Variants in ELP4 observed in about 807,000 individuals in gnomAD.
The protein encoded by ELP4 is elongator complex protein 4.
In ELP4, 51 loss-of-function variants were observed where a neutral mutation model predicts 48.9. The ratio of observed to expected loss-of-function variants is 1.04; its 90% CI spans 0.83 to 1.32. ELP4 has a LOEUF of 1.32. ELP4 is among the 40% of genes most tolerant of loss of function. The pLI is 0.00. For synonymous variants in ELP4, 210 were observed against 189.2 expected (o/e 1.11, Z -0.90); for missense variants, 519 against 514.6 (o/e 1.01, Z -0.08).
chr11:31,723,414 A>G (rs1045114570), intron 9 of ELP4, among the ~76,000 whole-genome samples: 1 of 151,988 alleles, frequency 6.6e-6, no homozygotes, highest in Admixed American at 6.6e-5. Context: ...ACATAAATTC[A>G]ATAATGAAAT....
intron 9 of ELP4, among the ~76,000 whole-genome samples, chr11:31,697,554 G>A (rs992258676): frequency 1.3e-5 from 2 of 152,068 alleles, no homozygotes; most frequent in Admixed American, 6.6e-5. Flanking sequence ...GACTTTTAAT[G>A]ATGATGACAT....
chr11:31,768,450 TC>T (rs1339039361), intron 9 of ELP4, among the ~76,000 whole-genome samples: 1 of 152,222 alleles, frequency 6.6e-6, no homozygotes, highest in Non-Finnish European at 1.5e-5. Flanking sequence ...AAGCCTCATT[TC>T]ATTTTCTCAA....
chr11:31,593,083 A>G (rs1244396054), intron 3 of ELP4, among the ~76,000 whole-genome samples: 1 of 152,228 alleles, frequency 6.6e-6, no homozygotes, highest in African/African-American at 2.4e-5. Context: ...ACAATACAAA[A>G]TGTGTGGCTC....
At chr11:31,623,390 T>TATATATAAAAAA (rs67986763) in intron 5 of ELP4, among the ~76,000 whole-genome samples, 1 of 92,610 alleles carries the variant, frequency 1.1e-5, no homozygotes, top group Non-Finnish European at 2.3e-5. Flanking sequence ...TATATATATA[T>TATATATAAAAAA]AAAACTAGAA....
At chr11:31,523,257 A>G (rs79339725) in intron 2 of ELP4, among the ~76,000 whole-genome samples, 1,807 of 152,274 alleles carry the variant, frequency 0.012, 42 homozygotes, top group African/African-American at 0.042. Flanking sequence ...GCATAGTTTC[A>G]AAATATAAAA....
At chr11:31,760,377 C>T (rs1220186720) in intron 9 of ELP4, among the ~76,000 whole-genome samples, 2 of 152,152 alleles carry the variant, frequency 1.3e-5, no homozygotes, top group East Asian at 3.8e-4. Context: ...TTCCAGAATG[C>T]CTCTAGTCCT....
At chr11:31,583,852 G>A (rs182047464) in intron 3 of ELP4, among the ~76,000 whole-genome samples, 1 of 152,298 alleles carries the variant, frequency 6.6e-6, no homozygotes, top group Admixed American at 6.5e-5. Context: ...CTGTGAAATA[G>A]AGAAGCTATT....
Position 31,509,859 on chromosome 11 carries a change from C to A in ELP4, c.75C>A (p.Asn25Lys). Residue 25 changes from asparagine to lysine, a missense_variant, in exon 1 of 10, where the codon AAC (asparagine) becomes AAA (lysine). Coordinates refer to ENST00000640961, the MANE Select transcript of ELP4 (RefSeq NM_019040.5). ...GSAVATASKSNVTSFQRRGPR... is the reference protein window; with the variant it reads ...GSAVATASKSKVTSFQRRGPR... ...CAGTGGCGACAGCCAGCAAGAGCAA[C>A]GTCACCAGTTTCCAGAGGAGGGGTC... 1.2e-6 allele frequency: 2 copies of A among 1,614,170 alleles called. No individual in the cohort carries two copies. The highest frequency in any genetic ancestry group is 1.7e-6 in the Non-Finnish European group (2 of 1,180,032).
intron 3 of ELP4, among the ~76,000 whole-genome samples, chr11:31,565,118 T>C (rs570084292): frequency 6.6e-6 from 1 of 152,350 alleles, no homozygotes; most frequent in African/African-American, 2.4e-5. Context: ...TGCATTTCTC[T>C]GATGGCCAGT....
chr11:31,717,970 T>C (rs1188069481), intron 9 of ELP4, among the ~76,000 whole-genome samples: 2 of 152,104 alleles, frequency 1.3e-5, no homozygotes, highest in African/African-American at 4.8e-5. Context: ...CACCCCACCC[T>C]TTCTTTAATG....
intron 5 of ELP4, among the ~76,000 whole-genome samples, chr11:31,609,390 A>C (rs2134010297): frequency 6.6e-6 from 1 of 152,286 alleles, no homozygotes; most frequent in Non-Finnish European, 1.5e-5. Context: ...ACCATATGTT[A>C]GGAGCAGACT....
Position 31,789,861 on chromosome 11 carries a change from A to G in ELP4, c.*6337A>G. ...ATTTTTCTTTCTTTCCTGAAAGCTCAACTGTTGTGTCCCCATAGTCACTGA... is the reference window on the plus strand; with the variant it reads ...ATTTTTCTTTCTTTCCTGAAAGCTCGACTGTTGTGTCCCCATAGTCACTGA... On this transcript the variant is annotated 3_prime_UTR_variant, in exon 10 of 10. Coordinates refer to ENST00000640961, the MANE Select transcript of ELP4 (RefSeq NM_019040.5). 7.4e-7 allele frequency: 1 copy of G among 1,355,736 alleles called. No individual in the cohort carries two copies. Among genetic ancestry groups the G allele is most frequent in the Non-Finnish European group, 1.0e-6 (1 of 965,116 alleles). The allele number at this position is 1,355,736 out of a possible 1,614,324, so 84.0% of individuals were successfully genotyped here.
At chr11:31,599,152 T>C (rs571737595) in intron 4 of ELP4, 1 of 152,302 alleles carries the variant, frequency 6.6e-6, no homozygotes, top group South Asian at 2.1e-4. Context: ...TAATTATTTG[T>C]TGGATGCATG....
intron 3 of ELP4, chr11:31,580,942 A>G (rs1365052186): frequency 1.3e-5 from 2 of 152,154 alleles, no homozygotes; most frequent in Non-Finnish European, 2.9e-5. Flanking sequence ...TTAAGTCAGT[A>G]TTAAGTGTGT....
chr11:31,764,534 C>T (rs995438739), intron 9 of ELP4, among the ~76,000 whole-genome samples: 1 of 152,194 alleles, frequency 6.6e-6, no homozygotes, highest in African/African-American at 2.4e-5. Context: ...CGCCTTTTAT[C>T]AAATCACCTT....
chr11:31,511,396 T>C (rs1239369731), intron 1 of ELP4: 2 of 152,206 alleles, frequency 1.3e-5, no homozygotes, highest in African/African-American at 2.4e-5. Context: ...AAAGGTTATG[T>C]TTCTATTATA....
intron 9 of ELP4, among the ~76,000 whole-genome samples, chr11:31,686,946 C>A (rs1204366712): frequency 1.3e-5 from 2 of 151,620 alleles, no homozygotes; most frequent in African/African-American, 4.8e-5. Flanking sequence ...AGACTAGAGG[C>A]CAAGAGTTGA....
chr11:31,641,058 C>T (rs560517112), intron 7 of ELP4, among the ~76,000 whole-genome samples: 9 of 152,028 alleles, frequency 5.9e-5, no homozygotes, highest in Admixed American at 1.3e-4. Context: ...CAGCTATTAA[C>T]TTACATTGAA....
chr11:31,601,388 T>G (rs1957778883), intron 4 of ELP4, among the ~76,000 whole-genome samples: 1 of 152,116 alleles, frequency 6.6e-6, no homozygotes, highest in South Asian at 2.1e-4. Flanking sequence ...CATGGCTACC[T>G]TATGAATATT....
Sources: gnomAD v4.1 joint callset for allele counts (sites outside exome capture counted in the v4.1 genomes callset) on GRCh38, gnomAD v4.1.1 for gene constraint, MANE v1.5 for transcripts, NCBI Gene and HGNC (gene_info 2026-07-23, HGNC 2026-07-21) for gene names.